The following MED27 variants were observed in gnomAD, a reference collection of about 807,000 sequenced individuals.
MED27 encodes mediator of RNA polymerase II transcription subunit 27.
A neutral mutation model predicts 38.2 loss-of-function variants in MED27; 30 were observed. The ratio of observed to expected loss-of-function variants is 0.79; its 90% CI spans 0.59 to 1.07. The LOEUF (loss-of-function observed/expected upper bound fraction) is 1.07. Among genes scored for constraint, MED27 ranks in the 50% least tolerant of loss-of-function variants. The pLI, the probability that MED27 is intolerant of heterozygous loss-of-function variation, is 0.00. For missense variants in MED27, 289 were observed against 397.5 expected (o/e 0.73, Z 2.32); for synonymous variants, 122 against 153.5 (o/e 0.79, Z 1.52).
At chr9:132,068,357 G>T (rs191768765) in intron 2 of MED27, among the ~76,000 whole-genome samples, 45 of 152,328 alleles carry the variant, frequency 3.0e-4, no homozygotes, top group Non-Finnish European at 3.2e-4. Context: ...CAGCGAGGGA[G>T]CTGGAATTCA....
In MED27 at chr9:131,860,464, C is replaced by G; in HGVS notation, c.*74G>C. Reference sequence around the variant, plus strand: ...ACACATCTGGGCAGTGAGGAACCAGCTGAGCCTTCTGTGGGCTTCCTGCGT... The same window carrying G: ...ACACATCTGGGCAGTGAGGAACCAGGTGAGCCTTCTGTGGGCTTCCTGCGT... On this transcript the variant is annotated 3_prime_UTR_variant, in exon 8 of 8. Transcript: ENST00000292035. This position sits in a 1 kb window ranked among gnomAD's most constrained non-coding sequence, Gnocchi z 5.8. 6.9e-7 allele frequency: 1 copy of G among 1,447,938 alleles called. No individual in the cohort carries two copies. The highest frequency in any genetic ancestry group is 9.1e-7 in the Non-Finnish European group (1 of 1,096,178). The allele number at this position is 1,447,938 out of a possible 1,614,324, so 89.7% of individuals were successfully genotyped here.
At chr9:132,025,903 T>C (rs1201731388) in intron 2 of MED27, among the ~76,000 whole-genome samples, 4 of 152,110 alleles carry the variant, frequency 2.6e-5, no homozygotes, top group Non-Finnish European at 5.9e-5. Context: ...ACTGTGTCAA[T>C]AACTGGAAGA....
chr9:132,036,800 G>A (rs1833089263), intron 2 of MED27, among the ~76,000 whole-genome samples: 1 of 152,138 alleles, frequency 6.6e-6, no homozygotes, highest in South Asian at 2.1e-4. Flanking sequence ...GTTACAGCCT[G>A]TAAGTATTGA....
At chr9:131,910,743 C>T (rs1196657699) in intron 4 of MED27, among the ~76,000 whole-genome samples, 1 of 152,226 alleles carries the variant, frequency 6.6e-6, no homozygotes, top group Non-Finnish European at 1.5e-5. Flanking sequence ...ACAGATTACA[C>T]TGCAGCGACA....
chr9:131,942,260 C>T (rs1404342701), intron 3 of MED27, among the ~76,000 whole-genome samples: 1 of 152,134 alleles, frequency 6.6e-6, no homozygotes, highest in Non-Finnish European at 1.5e-5. Context: ...AGCTTAAATG[C>T]TACAAAAGGG....
chr9:132,011,117 A>T (rs1832477665), intron 3 of MED27, among the ~76,000 whole-genome samples: 1 of 152,170 alleles, frequency 6.6e-6, no homozygotes, highest in African/African-American at 2.4e-5. Context: ...CCATAGATCA[A>T]ATTATGCTCC....
At chr9:132,066,013 AG>A (rs1833801814) in intron 2 of MED27, among the ~76,000 whole-genome samples, 1 of 152,224 alleles carries the variant, frequency 6.6e-6, no homozygotes, top group Non-Finnish European at 1.5e-5. Flanking sequence ...TAACAGTCAA[AG>A]GAAGTACAGT....
intron 4 of MED27, among the ~76,000 whole-genome samples, chr9:131,912,284 A>C (rs1391288293): frequency 6.6e-6 from 1 of 152,238 alleles, no homozygotes; most frequent in African/African-American, 2.4e-5. Context: ...GCAACTAAGG[A>C]AAGTGCTTAG....
intron 3 of MED27, among the ~76,000 whole-genome samples, chr9:131,996,874 A>T (rs1419070056): frequency 6.6e-6 from 1 of 152,186 alleles, no homozygotes; most frequent in Non-Finnish European, 1.5e-5. Context: ...TCTTAATGAC[A>T]TATTCTTTTC....
chr9:131,943,085 G>C (rs558348059), intron 3 of MED27, among the ~76,000 whole-genome samples: 1 of 152,224 alleles, frequency 6.6e-6, no homozygotes, highest in Admixed American at 6.5e-5. Context: ...GAAGCAAAAT[G>C]GATTTTCAGG....
chr9:132,051,559 GT>G lies in MED27; in HGVS notation c.348+25882del, dbSNP rs1833466505. ...GCACAGTGAAGGAAAAAAGGGTTAG[GT>G]CAAGCACTCATCTACATGGCCCAAG... On this transcript the variant is annotated intron_variant, in intron 2 of 7. Transcript: ENST00000292035. This position sits in a 1 kb window ranked among gnomAD's most constrained non-coding sequence, Gnocchi z 4.2. Among the ~76,000 whole-genome samples the G allele has an allele frequency of 1.3e-5, 2 of 152,196 alleles. No homozygotes were observed. The highest frequency in any genetic ancestry group is 1.3e-4 in the Admixed American group (2 of 15,282).
chr9:132,011,554 C>G (rs1421980014), intron 3 of MED27, among the ~76,000 whole-genome samples: 1 of 152,158 alleles, frequency 6.6e-6, no homozygotes, highest in African/African-American at 2.4e-5. Flanking sequence ...ATAATCCCAG[C>G]ACTTTCAAAG....
At chr9:131,991,254 G>T (rs1162801147) in intron 3 of MED27, among the ~76,000 whole-genome samples, 2 of 152,216 alleles carry the variant, frequency 1.3e-5, no homozygotes, top group South Asian at 2.1e-4. Context: ...AATACTCTCA[G>T]ATACAACTGC....
At chr9:131,881,805 T>C in intron 6 of MED27, among the ~76,000 whole-genome samples, 1 of 131,100 alleles carries the variant, frequency 7.6e-6, no homozygotes, top group Non-Finnish European at 1.6e-5. Context: ...TTCTTCTTTT[T>C]TTTTTTTTTT....
Position 131,883,098 on chromosome 9 carries a change from G to T in MED27, c.723+960C>A, listed in dbSNP as rs111330452. On this transcript the variant is annotated intron_variant, in intron 6 of 7. Transcript: ENST00000292035. The surrounding 1 kb of genome is among the most constrained non-coding windows in gnomAD (Gnocchi z 4.2). The stretch of plus-strand genomic sequence containing the variant: ...AATTTTATATTTTTAGTACAGACAG[G>T]GTTTTGCCATATTGGCTAGGCTGGT... 6.6e-6 allele frequency among the ~76,000 whole-genome samples: 1 copy of T among 152,122 alleles called. No homozygotes were observed. The highest frequency in any genetic ancestry group is 1.5e-5 in the Non-Finnish European group (1 of 68,008).
intron 3 of MED27, among the ~76,000 whole-genome samples, chr9:131,976,133 G>A (rs1387772023): frequency 6.6e-6 from 1 of 152,140 alleles, no homozygotes; most frequent in East Asian, 1.9e-4. Flanking sequence ...GGTTGTGTGT[G>A]GACCAGAGCT....
At chr9:131,896,783 G>A (rs780607375) in intron 4 of MED27, among the ~76,000 whole-genome samples, 2 of 152,170 alleles carry the variant, frequency 1.3e-5, no homozygotes, top group Admixed American at 6.5e-5. Flanking sequence ...CCAGGCTGGA[G>A]TGCAGTGGTG....
intron 4 of MED27, among the ~76,000 whole-genome samples, chr9:131,935,687 G>C (rs1299273950): frequency 6.6e-6 from 1 of 152,206 alleles, no homozygotes; most frequent in Non-Finnish European, 1.5e-5. Context: ...GTGCCTCTCA[G>C]GGTGGAGATG....
chr9:132,021,829 C>T (rs948517338), intron 2 of MED27, among the ~76,000 whole-genome samples: 1 of 152,124 alleles, frequency 6.6e-6, no homozygotes, highest in Admixed American at 6.5e-5. Flanking sequence ...AGGAAGAGAT[C>T]AGATTTCTCT....
Sources: allele counts gnomAD v4.1 joint callset (sites outside exome capture counted in the v4.1 genomes callset), GRCh38; gene constraint gnomAD v4.1.1; non-coding constraint Gnocchi (gnomAD v3.1); transcripts MANE v1.5; gene names NCBI Gene and HGNC (gene_info 2026-07-23, HGNC 2026-07-21).